Variants in RASGEF1A observed in about 807,000 individuals in gnomAD.
RASGEF1A encodes the protein RasGEF domain family member 1A.
In RASGEF1A, 18 loss-of-function variants were observed where a neutral mutation model predicts 56.4. The ratio of observed to expected loss-of-function variants is 0.32; its 90% confidence interval spans 0.22 to 0.47. The LOEUF (loss-of-function observed/expected upper bound fraction) is 0.47. RASGEF1A is among the 20% of genes least tolerant of loss of function. The probability of loss-of-function intolerance (pLI) is 1.00; values close to 1 mark genes in which losing one functional copy is unlikely to be tolerated. For synonymous variants in RASGEF1A, 245 were observed against 242.6 expected (o/e 1.01, Z -0.09); for missense variants, 422 against 627.1 (o/e 0.67, Z 3.49).
At chr10:43,263,224 G>A (rs1836567382) in intron 1 of RASGEF1A, among the ~76,000 whole-genome samples, 1 of 152,104 alleles carries the variant, frequency 6.6e-6, no homozygotes, top group Admixed American at 6.5e-5. Flanking sequence ...GGGAGGAGGA[G>A]AACCAGGGGC....
intron 1 of RASGEF1A, among the ~76,000 whole-genome samples, chr10:43,221,589 G>C (rs960753663): frequency 2.0e-5 from 3 of 152,244 alleles, no homozygotes; most frequent in Admixed American, 6.5e-5. Context: ...AGCAGGGGGA[G>C]CCAGCCAGGC....
At chr10:43,202,500 G>A (rs1014900039) in intron 3 of RASGEF1A, among the ~76,000 whole-genome samples, 3 of 152,088 alleles carry the variant, frequency 2.0e-5, no homozygotes, top group African/African-American at 7.2e-5. Context: ...TCTGCCCCCG[G>A]GGAGAGGGGA....
chr10:43,235,492 G>T (rs1840418980), intron 1 of RASGEF1A, among the ~76,000 whole-genome samples: 1 of 152,204 alleles, frequency 6.6e-6, no homozygotes, highest in African/African-American at 2.4e-5. Flanking sequence ...CAGCAGTGTG[G>T]GGAAGGCAGG....
intron 4 of RASGEF1A, 110 bp downstream of exon 4, chr10:43,201,698 G>A (rs754770343): frequency 1.4e-4 from 167 of 1,191,472 alleles, no homozygotes; most frequent in Admixed American, 3.2e-4. Flanking sequence ...TCCTGGGGGA[G>A]TAACATGGAA....
intron 1 of RASGEF1A, chr10:43,208,225 T>G: frequency 1.5e-5 from 15 of 985,366 alleles, no homozygotes; most frequent in Non-Finnish European, 1.8e-5. Flanking sequence ...CCCCAAGCTC[T>G]TGGGGTCATC....
rs1341408580 is a variant in RASGEF1A, at chr10:43,198,911, G to A, written c.1032+22C>T. ...GACGAAATGGGTGCAGCTCGCAGCT[G>A]TGACGGGGCTCAGGTGCCTACCTCC... On this transcript the variant is annotated intron_variant, in intron 9 of 12. Coordinates refer to ENST00000395810, the MANE Select transcript of RASGEF1A (RefSeq NM_145313.4). 5 of 1,575,254 alleles carry A rather than the reference G, an allele frequency of 3.2e-6. No homozygotes were observed. The East Asian group carries it at 7.1e-5, about 22-fold the overall frequency.
intron 1 of RASGEF1A, among the ~76,000 whole-genome samples, chr10:43,225,451 G>T (rs1840265864): frequency 6.6e-6 from 1 of 151,600 alleles, no homozygotes; most frequent in African/African-American, 2.4e-5. Context: ...GTCTGTGTTT[G>T]TGTGTCTCTG....
Position 43,203,671 on chromosome 10 carries a change from TCC to T in RASGEF1A, c.199-253_199-252del. 11 of 1,192,256 alleles carry T rather than the reference TCC, an allele frequency of 9.2e-6. No individual in the cohort carries two copies. The Admixed American group carries it at 1.7e-4, about 18-fold the overall frequency. 73.9% of individuals were successfully genotyped at this position (1,192,256 alleles called of 1,614,324 possible). A position where few individuals can be genotyped will look rare whatever the true frequency, so the allele number is the denominator to read the frequency against. ...GCTCTCCCAGGCCTCCTAGCAGTCT[TCC>T]TCCGCTGGGATTCTCCCCCTCTCTG... On this transcript the variant is annotated intron_variant, in intron 2 of 12. Coordinates refer to ENST00000395810, the MANE Select transcript of RASGEF1A (RefSeq NM_145313.4).
chr10:43,218,176 A>G (rs1475837221), intron 1 of RASGEF1A, among the ~76,000 whole-genome samples: 1 of 152,208 alleles, frequency 6.6e-6, no homozygotes, highest in Non-Finnish European at 1.5e-5. Context: ...GCAGAGCACT[A>G]GCGGTCCTAT....
chr10:43,207,792 G>A (rs955200563), intron 1 of RASGEF1A: 10 of 777,528 alleles, frequency 1.3e-5, no homozygotes, highest in African/African-American at 3.8e-5. Flanking sequence ...GTACCCCAAC[G>A]CGCTCTCCAC....
intron 1 of RASGEF1A, among the ~76,000 whole-genome samples, chr10:43,215,590 G>A (rs560554109): frequency 1.1e-4 from 16 of 152,352 alleles, no homozygotes; most frequent in African/African-American, 3.8e-4. Flanking sequence ...TAACCGGCCA[G>A]TTCTCTGAAA....
chr10:43,197,248 T>G, intron 10 of RASGEF1A, 149 bp from the exon 11 acceptor site: 1 of 895,844 alleles, frequency 1.1e-6, no homozygotes, highest in South Asian at 1.6e-5. Context: ...GCTGACCCCG[T>G]GGCCATGGTG....
At chr10:43,246,892 T>C (rs1840572264) in intron 1 of RASGEF1A, among the ~76,000 whole-genome samples, 1 of 152,232 alleles carries the variant, frequency 6.6e-6, no homozygotes, top group African/African-American at 2.4e-5. Flanking sequence ...CAAAAGCATG[T>C]GCAGTCAAAT....
chr10:43,212,045 C>T (rs1840076082), intron 1 of RASGEF1A, among the ~76,000 whole-genome samples: 1 of 152,206 alleles, frequency 6.6e-6, no homozygotes, highest in South Asian at 2.1e-4. Flanking sequence ...CTGCTTCTGA[C>T]CTGTGGCCTC....
At chr10:43,229,533 CT>C in intron 1 of RASGEF1A, 1 of 1,009,868 alleles carries the variant, frequency 9.9e-7, no homozygotes, top group Non-Finnish European at 1.4e-6. Context: ...GGCGGGCACC[CT>C]CCCGCACGGG....
intron 1 of RASGEF1A, among the ~76,000 whole-genome samples, chr10:43,234,847 G>C (rs1840411096): frequency 6.6e-6 from 1 of 152,174 alleles, no homozygotes; most frequent in Non-Finnish European, 1.5e-5. Flanking sequence ...GACAGCCCCT[G>C]CCTCCTCAGG....
At chr10:43,227,294 C>A (rs1292480243) in intron 1 of RASGEF1A, among the ~76,000 whole-genome samples, 1 of 152,126 alleles carries the variant, frequency 6.6e-6, no homozygotes, top group East Asian at 1.9e-4. Context: ...GACTGCCTGC[C>A]CCCCCGACAG....
chr10:43,200,572 TCAGTGTGACTAG>T, intron 5 of RASGEF1A, 83 bp downstream of exon 5: 1 of 1,122,836 alleles, frequency 8.9e-7, no homozygotes, highest in Non-Finnish European at 1.3e-6. Flanking sequence ...CCCTGATGGC[TCAGTGTGACTAG>T]CAGGGGCCTG....
At chr10:43,208,781 C>T (rs1410928967) in intron 1 of RASGEF1A, 2 of 985,580 alleles carry the variant, frequency 2.0e-6, no homozygotes, top group East Asian at 2.3e-4. Flanking sequence ...GCAGGGCCCA[C>T]CCTGCCCAGC....
Sources: allele counts gnomAD v4.1 joint callset (sites outside exome capture counted in the v4.1 genomes callset), GRCh38; gene constraint gnomAD v4.1.1; transcripts MANE v1.5; gene names NCBI Gene and HGNC (gene_info 2026-07-23, HGNC 2026-07-21).